SPTBN4: variants seen among roughly 807,000 people sequenced by gnomAD.
The protein encoded by SPTBN4 is spectrin beta, non-erythrocytic 4.
Under a neutral mutation model 277.8 loss-of-function variants are expected in SPTBN4, and 96 were observed. The ratio of observed to expected loss-of-function variants is 0.35; its 90% CI spans 0.29 to 0.41. The LOEUF (loss-of-function observed/expected upper bound fraction) is 0.41. Ranked by LOEUF, SPTBN4 falls within the 10% of genes least tolerant of loss-of-function variation. The pLI is 1.00. For synonymous variants in SPTBN4, 1,481 were observed against 1,580.3 expected, an observed-to-expected ratio of 0.94 and a Z score of 1.49; for missense variants, 3,006 against 3,595.7, an observed-to-expected ratio of 0.84 and a Z score of 4.19.
chr19:40,557,918 C>CA (rs772813414), intron 26 of SPTBN4, among the ~76,000 whole-genome samples: 1,518 of 43,028 alleles, frequency 0.035, 43 homozygotes, highest in African/African-American at 0.066. Flanking sequence ...TACTCTGTCT[C>CA]AAAAAAAAAA....
chr19:40,552,455 CAAA>C (rs33935362), intron 22 of SPTBN4, among the ~76,000 whole-genome samples: 8 of 75,934 alleles, frequency 1.1e-4, no homozygotes, highest in African/African-American at 1.5e-4. Flanking sequence ...GACTCCGTCT[CAAA>C]AAAAAAAAAA....
intron 4 of SPTBN4, among the ~76,000 whole-genome samples, chr19:40,492,099 C>A (rs564966513): frequency 1.3e-5 from 2 of 151,396 alleles, no homozygotes; most frequent in African/African-American, 4.8e-5. Flanking sequence ...ACATTGGGAG[C>A]TGAGAGCCCA....
At chr19:40,569,957 C>CACACACACACACACACACACAG (rs2081135112) in intron 32 of SPTBN4, among the ~76,000 whole-genome samples, 4 of 148,360 alleles carry the variant, frequency 2.7e-5, no homozygotes, top group African/African-American at 1.0e-4. Context: ...CACACACACA[C>CACACACACACACACACACACAG]ACACACACAC....
At chr19:40,491,584 A>G (rs1265845865) in intron 4 of SPTBN4, among the ~76,000 whole-genome samples, 1 of 151,838 alleles carries the variant, frequency 6.6e-6, no homozygotes, top group Admixed American at 6.6e-5. Flanking sequence ...TCTACTAAAA[A>G]TACAGAAATT....
chr19:40,531,159 T>C (rs1209085082), intron 18 of SPTBN4, among the ~76,000 whole-genome samples: 1 of 151,996 alleles, frequency 6.6e-6, no homozygotes, highest in Non-Finnish European at 1.5e-5. Context: ...CATGAAGGAA[T>C]CACTTTTGAG....
intron 6 of SPTBN4, among the ~76,000 whole-genome samples, chr19:40,497,151 A>T (rs889927468): frequency 1.3e-5 from 2 of 151,606 alleles, no homozygotes; most frequent in African/African-American, 4.9e-5. Flanking sequence ...TCGTATTGTC[A>T]TATGATTTCA....
Position 40,490,060 on chromosome 19 carries a change from C to T in SPTBN4, c.322-15C>T. On this transcript the variant is annotated splice_polypyrimidine_tract_variant and intron_variant, in intron 3 of 35. Coordinates refer to ENST00000598249, the MANE Select transcript of SPTBN4 (RefSeq NM_020971.3). This position sits in a 1 kb window ranked among gnomAD's most constrained non-coding sequence, Gnocchi z 4.3. ...TGTCCAGACCCCCGATCGCCCACCG[C>T]CCCTGTCGCCCTAGCCCAGGCCCAC... 1 of 1,592,570 alleles carries T rather than the reference C, an allele frequency of 6.3e-7. No homozygotes were observed. The highest frequency in any genetic ancestry group is 8.6e-7 in the Non-Finnish European group (1 of 1,167,370).
intron 30 of SPTBN4, 60 bp from the exon 31 acceptor site, chr19:40,567,603 T>G: frequency 1.5e-4 from 151 of 980,556 alleles, no homozygotes; most frequent in Non-Finnish European, 1.9e-4. Flanking sequence ...TCCCCGGACC[T>G]CCCCCTTACC....
At position 40,512,875 on chromosome 19, in the gene SPTBN4, C is replaced by A; in HGVS notation, c.2086C>A (p.Arg696Ser). The A allele has an allele frequency of 6.9e-7, 1 of 1,446,976 alleles. No homozygotes were observed. The highest frequency in any genetic ancestry group is 1.4e-5 in the South Asian group (1 of 72,366). 89.6% of individuals were successfully genotyped at this position (1,446,976 alleles called of 1,614,324 possible). A position where few individuals can be genotyped will look rare whatever the true frequency, so the allele number is the denominator to read the frequency against. ...CGCGCATGACCTGTCCAGCACAGCG[C>A]GCCTCCTGGCCCAGCACAAGATCCT... ...GGAHDLSSTA[R>S]LLAQHKILQG... Residue 696 changes from arginine to serine, a missense_variant, in exon 14 of 36, where the codon CGC (arginine) becomes AGC (serine). Physicochemically the swap from Arg to Ser is moderately radical, Grantham distance 110 (BLOSUM62 -1). Transcript: ENST00000598249.
rs780473339 is a variant in SPTBN4, at chr19:40,575,466, A to G, written c.7592A>G (p.Glu2531Gly). The G allele has an allele frequency of 6.2e-7, 1 of 1,613,316 alleles. No homozygotes were observed. Among genetic ancestry groups the G allele is most frequent in the Admixed American group, 1.7e-5 (1 of 59,964 alleles). Residue 2531 changes from glutamate (E) to glycine (G), a missense_variant, in exon 36 of 36, where the codon GAG (glutamate) becomes GGG (glycine). By Grantham distance (98) the Glu-to-Gly change is moderately conservative (BLOSUM62 -2). Around this residue, in one of 5 missense-constraint regions of SPTBN4, gnomAD observed 630 missense variants for 677.6 expected, o/e 0.93. Transcript: ENST00000598249. ...GCTTCCTCGGTGGCGGAACACGCAG[A>G]GATCGCCCGCTGGGGCCAGACACTA... ...AVASSVAEHA[E>G]IARWGQTLPT...
intron 27 of SPTBN4, among the ~76,000 whole-genome samples, chr19:40,562,206 G>C (rs1463984450): frequency 6.6e-6 from 1 of 152,130 alleles, no homozygotes; most frequent in Non-Finnish European, 1.5e-5. Flanking sequence ...CGAGAGTTTA[G>C]AGCAGAGTGG....
At chr19:40,529,200 A>T in intron 18 of SPTBN4, 69 bp downstream of exon 18, 350 of 998,988 alleles carry the variant, frequency 3.5e-4, no homozygotes, top group Non-Finnish European at 5.0e-4. Context: ...TTCTCGGCCG[A>T]GGTGGGGGTG....
Position 40,502,641 on chromosome 19 carries a change from G to A in SPTBN4, c.1203+134G>A, listed in dbSNP as rs938622951. On this transcript the variant is annotated intron_variant, in intron 10 of 35. Transcript: ENST00000598249. This position sits in a 1 kb window ranked among gnomAD's most constrained non-coding sequence, Gnocchi z 4.9. ...ATTCTGACAGTTTTTCAGTAGTAAAGTGTCATAAGGAAGCAATATTTTTTC... is the reference window on the plus strand; with the variant it reads ...ATTCTGACAGTTTTTCAGTAGTAAAATGTCATAAGGAAGCAATATTTTTTC... 9 of 1,446,940 alleles carry A rather than the reference G, an allele frequency of 6.2e-6. No homozygotes were observed. The highest frequency in any genetic ancestry group is 8.4e-6 in the Non-Finnish European group (9 of 1,070,366). The allele number at this position is 1,446,940 out of a possible 1,614,324, so 89.6% of individuals were successfully genotyped here.
chr19:40,574,966 C>T (rs1162391775), intron 35 of SPTBN4, among the ~76,000 whole-genome samples: 1 of 144,028 alleles, frequency 6.9e-6, no homozygotes, highest in Non-Finnish European at 1.5e-5. Context: ...AGTGAGCTGA[C>T]ATCGAGCCAT....
chr19:40,478,504 C>T (rs901877050), intron 2 of SPTBN4, among the ~76,000 whole-genome samples: 1 of 152,080 alleles, frequency 6.6e-6, no homozygotes, highest in African/African-American at 2.4e-5. Flanking sequence ...TCCAACCTTC[C>T]AGCTTGGGCA....
intron 33 of SPTBN4, chr19:40,571,744 C>T: frequency 3.0e-6 from 1 of 328,092 alleles, no homozygotes; most frequent in Non-Finnish European, 5.5e-6. Context: ...ATGGAGGAGA[C>T]AGCTTAAGAC....
Position 40,554,894 on chromosome 19 carries a change from G to C in SPTBN4, c.5084+248G>C, listed in dbSNP as rs1044226258. On this transcript the variant is annotated intron_variant, in intron 24 of 35. Transcript: ENST00000598249. The surrounding 1 kb of genome is among the most constrained non-coding windows in gnomAD (Gnocchi z 5.7). ...GTGGGGACCTTGTCGGGGGAGAAAA[G>C]AGTAGGCGATGTCTAGGACTGGGGT... 6 of 501,976 alleles carry C rather than the reference G, an allele frequency of 1.2e-5. No individual in the cohort carries two copies. The highest frequency in any genetic ancestry group is 2.1e-5 in the Non-Finnish European group (6 of 280,362). 31.1% of individuals were successfully genotyped at this position (501,976 alleles called of 1,614,324 possible).
intron 2 of SPTBN4, among the ~76,000 whole-genome samples, chr19:40,482,787 C>T (rs2080027220): frequency 6.6e-6 from 1 of 151,588 alleles, no homozygotes; most frequent in Non-Finnish European, 1.5e-5. Context: ...CATGGAGAAA[C>T]CCTGTCTCTA....
chr19:40,472,151 C>T (rs1030825086), intron 1 of SPTBN4, among the ~76,000 whole-genome samples: 1 of 152,070 alleles, frequency 6.6e-6, no homozygotes, highest in African/African-American at 2.4e-5. Context: ...TCAGGTGATC[C>T]GCCCGCCTCT....
Sources: allele counts gnomAD v4.1 joint callset (sites outside exome capture counted in the v4.1 genomes callset), GRCh38; gene constraint gnomAD v4.1.1; regional missense constraint gnomAD v4.1.1; non-coding constraint Gnocchi (gnomAD v3.1); transcripts MANE v1.5; gene names NCBI Gene and HGNC (gene_info 2026-07-23, HGNC 2026-07-21).